The following CD3G variants were observed in gnomAD, a reference collection of about 807,000 sequenced individuals.
CD3G encodes the protein CD3 gamma subunit of T-cell receptor complex, also known as T-cell surface glycoprotein CD3 gamma chain.
In CD3G, 24 loss-of-function variants were observed where a neutral mutation model predicts 28.3. The ratio of observed to expected loss-of-function variants is 0.85; its 90% CI spans 0.61 to 1.19. The LOEUF (loss-of-function observed/expected upper bound fraction) is 1.19, where lower values mean the gene tolerates loss of function less well. Among genes scored for constraint, CD3G ranks in the 50% most tolerant of loss-of-function variants. The pLI, the probability that CD3G is intolerant of heterozygous loss-of-function variation, is 0.00. For synonymous variants in CD3G, 71 were observed against 75.9 expected, an observed-to-expected ratio of 0.93 and a Z score of 0.34; for missense variants, 211 against 210.0, an observed-to-expected ratio of 1.00 and a Z score of -0.03.
rs1948434242 is a variant in CD3G, at chr11:118,354,454, C to T, written c.*1354C>T. The T allele has an allele frequency of 6.6e-6, 1 of 151,416 alleles. No individual in the cohort carries two copies. The highest frequency in any genetic ancestry group is 2.4e-5 in the African/African-American group (1 of 41,156). 9.4% of individuals were successfully genotyped at this position (151,416 alleles called of 1,614,324 possible). ...AGTAGCTGAGACTACAGGCACATGCCACCACGCCCAGCTCATTTTTTGTGT... is the reference window on the plus strand; with the variant it reads ...AGTAGCTGAGACTACAGGCACATGCTACCACGCCCAGCTCATTTTTTGTGT... On this transcript the variant is annotated 3_prime_UTR_variant, in exon 7 of 7. Coordinates refer to ENST00000532917, the MANE Select transcript of CD3G (RefSeq NM_000073.3).
In CD3G at chr11:118,354,455, A is replaced by G. The variant is rs1948434256; in HGVS notation, c.*1355A>G. On this transcript the variant is annotated 3_prime_UTR_variant, in exon 7 of 7. Transcript: ENST00000532917. ...GTAGCTGAGACTACAGGCACATGCC[A>G]CCACGCCCAGCTCATTTTTTGTGTA... 1 of 150,646 alleles carries G rather than the reference A, an allele frequency of 6.6e-6. No individual in the cohort carries two copies. The highest frequency in any genetic ancestry group is 2.4e-5 in the African/African-American group (1 of 40,898). The allele number at this position is 150,646 out of a possible 1,614,324, so 9.3% of individuals were successfully genotyped here. A position where few individuals can be genotyped will look rare whatever the true frequency, so the allele number is the denominator to read the frequency against.
rs185999056 is a variant in CD3G, at chr11:118,355,144, A to G, written c.*2044A>G. On this transcript the variant is annotated 3_prime_UTR_variant, in exon 7 of 7. Coordinates refer to ENST00000532917, the MANE Select transcript of CD3G (RefSeq NM_000073.3). ...AAGACTATTTGTAACAAACACAAAT[A>G]AATTGAATTGTTGGGCACTTGTATT... 2.6e-5 allele frequency: 4 copies of G among 152,038 alleles called. No individual in the cohort carries two copies. The East Asian group carries it at 7.7e-4, about 29-fold the overall frequency. The allele number at this position is 152,038 out of a possible 1,614,324, so 9.4% of individuals were successfully genotyped here.
chr11:118,352,097 T>C (rs1948414993), intron 5 of CD3G, among the ~76,000 whole-genome samples: 1 of 151,856 alleles, frequency 6.6e-6, no homozygotes, highest in Non-Finnish European at 1.5e-5. Flanking sequence ...GCGCCTGTAG[T>C]CCCAGCTACT....
chr11:118,348,893 C>A (rs898023431), intron 1 of CD3G, 134 bp from the exon 2 acceptor site: 3 of 997,918 alleles, frequency 3.0e-6, no homozygotes, highest in Non-Finnish European at 4.8e-6. Flanking sequence ...ATCCGGAAAA[C>A]TAAGTATAGA....
At chr11:118,349,156 T>G (rs2134068418) in intron 2 of CD3G, 106 bp downstream of exon 2, 1 of 1,611,328 alleles carries the variant, frequency 6.2e-7, no homozygotes, top group Admixed American at 1.7e-5. Flanking sequence ...ATGAATGAAA[T>G]GACGGGGATA....
intron 1 of CD3G, among the ~76,000 whole-genome samples, chr11:118,346,424 G>A (rs1031322985): frequency 3.3e-5 from 5 of 151,434 alleles, no homozygotes; most frequent in African/African-American, 4.9e-5. Flanking sequence ...GCGACAGAGT[G>A]AGACTCCGTC....
Position 118,349,070 on chromosome 11 carries a change from T to A in CD3G, c.79+20T>A. On this transcript the variant is annotated intron_variant, in intron 2 of 6. Coordinates refer to ENST00000532917, the MANE Select transcript of CD3G (RefSeq NM_000073.3). ...TCAAAGGTAGGAGAAATGGCTTCTT[T>A]CTATACTCAGACTCAGAATATTGAC... is the stretch of plus-strand genomic sequence containing the variant. 6.2e-7 allele frequency: 1 copy of A among 1,614,184 alleles called. No homozygotes were observed. Among genetic ancestry groups the A allele is most frequent in the Non-Finnish European group, 8.5e-7 (1 of 1,180,014 alleles).
At chr11:118,350,900 A>C (rs1948403115) in intron 4 of CD3G, 2 of 1,223,534 alleles carry the variant, frequency 1.6e-6, no homozygotes, top group Non-Finnish European at 2.1e-6. Context: ...AAAAAAAAAA[A>C]AAACAAAAAC....
At position 118,353,473 on chromosome 11, in the gene CD3G, C is replaced by T. The variant is rs1164544321; in HGVS notation, c.*373C>T. On this transcript the variant is annotated 3_prime_UTR_variant, in exon 7 of 7. Transcript: ENST00000532917. ...GTGAAAGCTCTCCCTCCACCGCCAT[C>T]CCCTGCTACCCAGTGACCCTGTTGC... The T allele has an allele frequency of 6.6e-6, 1 of 151,568 alleles. No homozygotes were observed. The allele number at this position is 151,568 out of a possible 1,614,324, so 9.4% of individuals were successfully genotyped here.
intron 1 of CD3G, among the ~76,000 whole-genome samples, chr11:118,347,012 T>C (rs567833542): frequency 6.6e-6 from 1 of 152,294 alleles, no homozygotes; most frequent in South Asian, 2.1e-4. Flanking sequence ...TGCACATTCA[T>C]TCAACAAATA....
At chr11:118,352,215 C>CA (rs564372344) in intron 5 of CD3G, among the ~76,000 whole-genome samples, 189 bp from the exon 6 acceptor site, 1,589 of 133,288 alleles carry the variant, frequency 0.012, 15 homozygotes, top group South Asian at 0.015. Flanking sequence ...GACTCCGTCT[C>CA]AAAAAAAAAA....
At chr11:118,352,248 A>T (rs1948416591) in intron 5 of CD3G, among the ~76,000 whole-genome samples, 156 bp from the exon 6 acceptor site, 2 of 151,972 alleles carry the variant, frequency 1.3e-5, no homozygotes, top group Non-Finnish European at 2.9e-5. Context: ...GAAAAAGAAA[A>T]AAGACAGAGC....
In CD3G at chr11:118,352,460, G is replaced by C. The variant is rs369517664; in HGVS notation, c.540G>C (p.Arg180Ser). Reference protein sequence around the residue: ...QYSHLQGNQLRRN With the variant: ...QYSHLQGNQLSRN ...GCCACCTTCAAGGAAACCAGTTGAGGAGGAATTGAACTCAGGACTCAGAGT... is the reference window on the plus strand; with the variant it reads ...GCCACCTTCAAGGAAACCAGTTGAGCAGGAATTGAACTCAGGACTCAGAGT... The change falls in exon 6 of 7, where the codon AGG becomes AGC. Residue 180 changes from arginine (R) to serine (S), a missense_variant. Transcript: ENST00000532917. 2 of 1,613,832 alleles carry C rather than the reference G, an allele frequency of 1.2e-6. No individual in the cohort carries two copies. The highest frequency in any genetic ancestry group is 1.7e-6 in the Non-Finnish European group (2 of 1,179,804).
chr11:118,347,602 C>T (rs775918401), intron 1 of CD3G, among the ~76,000 whole-genome samples: 11 of 152,076 alleles, frequency 7.2e-5, no homozygotes, highest in Non-Finnish European at 1.6e-4. Flanking sequence ...CCATGCAACT[C>T]TACTACCCTA....
chr11:118,348,002 A>T (rs923029892), intron 1 of CD3G, among the ~76,000 whole-genome samples: 1 of 152,172 alleles, frequency 6.6e-6, no homozygotes, highest in African/African-American at 2.4e-5. Context: ...TAATAAAAGG[A>T]TCACCAAGGC....
chr11:118,351,578 A>T (rs755447531), intron 4 of CD3G, 50 bp from the exon 5 acceptor site: 4 of 1,588,110 alleles, frequency 2.5e-6, no homozygotes, highest in Admixed American at 1.7e-5. Context: ...AATATAACCC[A>T]ATTTATTATG....
rs1591284178 is a variant in CD3G, at chr11:118,349,553, A to G, written c.80-190A>G. The G allele has an allele frequency of 3.4e-5, 22 of 648,076 alleles. No homozygotes were observed. The East Asian group carries it at 5.2e-4, about 15-fold the overall frequency. 40.1% of individuals were successfully genotyped at this position (648,076 alleles called of 1,614,324 possible). A position where few individuals can be genotyped will look rare whatever the true frequency, so the allele number is the denominator to read the frequency against. ...GCAGATATTGGCGTCACCCGAGAGC[A>G]TGTTAGTAATGCAGAATCTCCCCTC... On this transcript the variant is annotated intron_variant, in intron 2 of 6. Transcript: ENST00000532917.
In CD3G at chr11:118,351,688, TAA is replaced by T. The variant is rs1360518839; in HGVS notation, c.483+20_483+21del. ...CTCTACCAGGTAAGGGGATGAAGAA[TAA>T]AAGAGACATTGCTGTAATTAGTGGG... is the stretch of plus-strand genomic sequence containing the variant. On this transcript the variant is annotated intron_variant, in intron 5 of 6. Coordinates refer to ENST00000532917, the MANE Select transcript of CD3G (RefSeq NM_000073.3). 6.2e-7 allele frequency: 1 copy of T among 1,612,894 alleles called. No individual in the cohort carries two copies. Among genetic ancestry groups the T allele is most frequent in the Non-Finnish European group, 8.5e-7 (1 of 1,178,960 alleles).
rs1300588271 is a variant in CD3G at position 118,353,673 on chromosome 11, G to A, written c.*573G>A. 6.6e-6 allele frequency: 1 copy of A among 151,990 alleles called. No homozygotes were observed. Among genetic ancestry groups the A allele is most frequent in the Admixed American group, 6.6e-5 (1 of 15,222 alleles). The allele number at this position is 151,990 out of a possible 1,614,324, so 9.4% of individuals were successfully genotyped here. A position where few individuals can be genotyped will look rare whatever the true frequency, so the allele number is the denominator to read the frequency against. Reference sequence around the variant, plus strand: ...AGCCTCCCGGGCAGCTGGGATTACAGGCACACACTACCACACCTGGCTAAT... The same window carrying A: ...AGCCTCCCGGGCAGCTGGGATTACAAGCACACACTACCACACCTGGCTAAT... On this transcript the variant is annotated 3_prime_UTR_variant, in exon 7 of 7. Transcript: ENST00000532917.
Sources: gnomAD v4.1 joint callset for allele counts (sites outside exome capture counted in the v4.1 genomes callset) on GRCh38, gnomAD v4.1.1 for gene constraint, MANE v1.5 for transcripts, NCBI Gene and HGNC (gene_info 2026-07-23, HGNC 2026-07-21) for gene names.